The following PI4KA variants were observed in gnomAD, a reference collection of about 807,000 sequenced individuals.
PI4KA encodes phosphatidylinositol 4-kinase alpha.
PI4KA carries 122 observed loss-of-function variants against 271.4 expected under a neutral mutation model. The observed-to-expected ratio is 0.45, with a 90% CI of 0.39 to 0.52. PI4KA has a LOEUF of 0.52. PI4KA is among the 20% of genes least tolerant of loss of function. The probability of loss-of-function intolerance (pLI) is 0.00; values close to 1 mark genes in which losing one functional copy is unlikely to be tolerated. For missense variants in PI4KA, 1,969 were observed against 2,769.1 expected (o/e 0.71, Z 6.48); for synonymous variants, 1,041 against 1,078.8 (o/e 0.96, Z 0.69).
At chr22:20,713,818 C>T (rs1173850432) in intron 47 of PI4KA, among the ~76,000 whole-genome samples, 9 of 152,212 alleles carry the variant, frequency 5.9e-5, no homozygotes, top group African/African-American at 1.7e-4. Context: ...CTGGCCACAC[C>T]GTCTGTACTG....
chr22:20,833,496 C>T (rs1039868928), intron 3 of PI4KA, among the ~76,000 whole-genome samples: 1 of 152,084 alleles, frequency 6.6e-6, no homozygotes, highest in African/African-American at 2.4e-5. Flanking sequence ...TGCACATTTG[C>T]ACCAATGGCA....
At chr22:20,784,369 C>A (rs780926173) in intron 19 of PI4KA, 3 of 1,285,274 alleles carry the variant, frequency 2.3e-6, no homozygotes, top group Non-Finnish European at 3.3e-6. Flanking sequence ...AACTTCCATA[C>A]AGGGCCACTC....
intron 33 of PI4KA, 30 bp downstream of exon 33, chr22:20,734,365 C>T: frequency 1.3e-6 from 2 of 1,531,048 alleles, no homozygotes; most frequent in East Asian, 2.3e-5. Context: ...TGGAGCACCC[C>T]ACAGCCTTCG....
chr22:20,747,543 G>A lies in PI4KA; in HGVS notation c.3363+40C>T, dbSNP rs976589135. On this transcript the variant is annotated intron_variant, in intron 29 of 54. Coordinates refer to ENST00000255882, the MANE Select transcript of PI4KA (RefSeq NM_058004.4). ...CCTTCCCCTGCACTGTGGCTCCTAT[G>A]GTCTAAGGGGTCACTGCTCTTCAGA... 3.1e-6 allele frequency: 5 copies of A among 1,606,204 alleles called. No homozygotes were observed. In the African/African-American group the frequency reaches 6.7e-5, roughly 21 times the overall value.
intron 7 of PI4KA, among the ~76,000 whole-genome samples, chr22:20,814,469 G>A (rs1921488588): frequency 6.6e-6 from 1 of 152,120 alleles, no homozygotes; most frequent in Non-Finnish European, 1.5e-5. Flanking sequence ...AATAATTAAG[G>A]CCAAGCATGG....
chr22:20,780,021 A>G, intron 19 of PI4KA: 1 of 1,614,194 alleles, frequency 6.2e-7, no homozygotes, highest in Non-Finnish European at 8.5e-7. Context: ...GCTTGACTTC[A>G]AAACTAAAGT....
chr22:20,826,987 G>C (rs899581024), intron 3 of PI4KA, among the ~76,000 whole-genome samples: 1 of 151,632 alleles, frequency 6.6e-6, no homozygotes, highest in Non-Finnish European at 1.5e-5. Context: ...TCATTCAGTA[G>C]GGTGGCTGTT....
chr22:20,853,230 T>C (rs767242007), intron 1 of PI4KA, among the ~76,000 whole-genome samples: 25 of 152,142 alleles, frequency 1.6e-4, no homozygotes, highest in Non-Finnish European at 1.6e-4. Context: ...AGGAATGCTA[T>C]CTACTTTGCA....
At chr22:20,842,814 CA>C (rs764238069) in intron 1 of PI4KA, among the ~76,000 whole-genome samples, 155 of 81,574 alleles carry the variant, frequency 1.9e-3, no homozygotes, top group Admixed American at 1.4e-3. Flanking sequence ...GACTCTGTCT[CA>C]AAAAAAAAAA....
intron 1 of PI4KA, among the ~76,000 whole-genome samples, chr22:20,845,480 A>G (rs1305018545): frequency 6.6e-6 from 1 of 152,216 alleles, no homozygotes; most frequent in Admixed American, 6.5e-5. Context: ...AAAGACTAAG[A>G]TTTAAGTATT....
Position 20,858,786 on chromosome 22 carries a change from C to T in PI4KA, c.-61G>A, listed in dbSNP as rs1180539507. On this transcript the variant is annotated 5_prime_UTR_variant, in exon 1 of 55. Transcript: ENST00000255882. ...CGCTCCTGGCCCGCGAGCGCCCGAC[C>T]TCAGGGCGCAGGCGTAGGTGCATCC... The T allele has an allele frequency of 3.7e-6, 5 of 1,368,216 alleles. No homozygotes were observed. Among genetic ancestry groups the T allele is most frequent in the Non-Finnish European group, 4.7e-6 (5 of 1,057,012 alleles). 84.8% of individuals were successfully genotyped at this position (1,368,216 alleles called of 1,614,324 possible). A position where few individuals can be genotyped will look rare whatever the true frequency, so the allele number is the denominator to read the frequency against.
At chr22:20,824,649 C>T (rs1485325190) in intron 3 of PI4KA, among the ~76,000 whole-genome samples, 1 of 151,612 alleles carries the variant, frequency 6.6e-6, no homozygotes, top group African/African-American at 2.4e-5. Context: ...TTAAATGTTT[C>T]CTGAGCCAAT....
intron 22 of PI4KA, among the ~76,000 whole-genome samples, chr22:20,764,124 C>A (rs933921718): frequency 4.7e-4 from 71 of 152,318 alleles, no homozygotes; most frequent in African/African-American, 1.6e-3. Context: ...TTCTTGACAA[C>A]AGGAATCATC....
At position 20,819,777 on chromosome 22, in the gene PI4KA, C is replaced by T. The variant is rs200905233; in HGVS notation, c.653G>A (p.Arg218His). 4.8e-5 allele frequency: 77 copies of T among 1,613,942 alleles called. No homozygotes were observed. The highest frequency in any genetic ancestry group is 5.9e-5 in the Non-Finnish European group (70 of 1,180,016). The change falls in exon 6 of 55, where the codon CGT becomes CAT. Residue 218 changes from arginine (R) to histidine (H), a missense_variant. Arg to His is a conservative substitution (Grantham distance 29). Transcript: ENST00000255882. ...LFPKIPPHSL[R>H]VLEELEGVRR... ...AACACCTTCAAGCTCTTCCAGGACA[C>T]GGAGGGAATGAGGAGGGATTTTGGG...
At chr22:20,742,946 T>G in intron 30 of PI4KA, 182 bp from the exon 31 acceptor site, 1 of 591,556 alleles carries the variant, frequency 1.7e-6, no homozygotes, top group Non-Finnish European at 3.0e-6. Flanking sequence ...CAGCTTTTTT[T>G]TTTTTTAAAG....
At chr22:20,793,289 T>C in intron 18 of PI4KA, 46 bp from the exon 19 acceptor site, 1 of 1,141,154 alleles carries the variant, frequency 8.8e-7, no homozygotes, top group South Asian at 1.3e-5. Context: ...TGTGTTTCTT[T>C]TATTAAAAAA....
chr22:20,820,286 G>T (rs1195333151), intron 5 of PI4KA, among the ~76,000 whole-genome samples: 1 of 152,164 alleles, frequency 6.6e-6, no homozygotes, highest in African/African-American at 2.4e-5. Context: ...ACCCACAGAT[G>T]TTACAGGTGA....
intron 3 of PI4KA, among the ~76,000 whole-genome samples, chr22:20,834,252 C>T (rs552966129): frequency 1.8e-3 from 277 of 152,194 alleles, no homozygotes; most frequent in Non-Finnish European, 2.2e-3. Context: ...GATTTGGGGA[C>T]GGGCAGATGA....
intron 8 of PI4KA, among the ~76,000 whole-genome samples, chr22:20,812,416 T>C (rs1470748808): frequency 6.6e-6 from 1 of 152,198 alleles, no homozygotes; most frequent in African/African-American, 2.4e-5. Context: ...TGCTCCATGC[T>C]ATCCAAATTG....
Sources: allele counts gnomAD v4.1 joint callset (sites outside exome capture counted in the v4.1 genomes callset), GRCh38; gene constraint gnomAD v4.1.1; transcripts MANE v1.5; gene names NCBI Gene and HGNC (gene_info 2026-07-23, HGNC 2026-07-21).